Variants in TMTC3 observed in about 807,000 individuals in gnomAD.
TMTC3 encodes protein O-mannosyl-transferase TMTC3.
Under a neutral mutation model 92.2 loss-of-function variants are expected in TMTC3, and 52 were observed. The observed-to-expected ratio is 0.56, with a 90% CI of 0.45 to 0.71. The LOEUF (loss-of-function observed/expected upper bound fraction) is 0.71. Among genes scored for constraint, TMTC3 ranks in the 30% least tolerant of loss-of-function variants. TMTC3 has a pLI of 0.00. For synonymous variants in TMTC3, 339 were observed against 363.3 expected (o/e 0.93, Z 0.76); for missense variants, 896 against 1,057.1 (o/e 0.85, Z 2.11).
chr12:88,149,406 T>C (rs2040914056), intron 2 of TMTC3, among the ~76,000 whole-genome samples: 1 of 152,174 alleles, frequency 6.6e-6, no homozygotes, highest in African/African-American at 2.4e-5. Context: ...TTTCCTGATC[T>C]GTAAAAGAGG....
chr12:88,183,345 T>C (rs554782605), intron 10 of TMTC3, among the ~76,000 whole-genome samples: 1 of 152,288 alleles, frequency 6.6e-6, no homozygotes, highest in East Asian at 1.9e-4. Context: ...TCTTTATAAG[T>C]GCCGAAAGTA....
chr12:88,156,797 TTG>T (rs1000998177), intron 4 of TMTC3, among the ~76,000 whole-genome samples: 7 of 118,562 alleles, frequency 5.9e-5, no homozygotes, highest in African/African-American at 1.5e-4. Flanking sequence ...TGCTAAGGTT[TTG>T]TGTGTGTGTG....
In TMTC3 at chr12:88,176,274, G is replaced by T; in HGVS notation, c.1387G>T (p.Glu463Ter). ...TGCTCTGGAAAATGAAAAGAACTTT[G>T]AGAGAGCTTTGAAATACTTCTTACA... ...GHALENEKNF[E>*]RALKYFLQAT... The change falls in exon 10 of 14, where the codon GAG (glutamate) becomes TAG (stop). Residue 463 changes from glutamate to a stop codon, truncating the protein, a stop_gained. Transcript: ENST00000266712. LOFTEE classifies it high-confidence loss of function. The T allele has an allele frequency of 6.2e-7, 1 of 1,612,278 alleles. No homozygotes were observed. The highest frequency in any genetic ancestry group is 1.1e-5 in the South Asian group (1 of 90,838).
chr12:88,164,189 C>CAAA (rs1008391943), intron 6 of TMTC3, among the ~76,000 whole-genome samples: 32 of 48,490 alleles, frequency 6.6e-4, no homozygotes, highest in Non-Finnish European at 7.5e-4. Context: ...GACTTTGTCT[C>CAAA]AAAAAAAAAA....
At chr12:88,142,639 C>T (rs1476044286) in intron 1 of TMTC3, among the ~76,000 whole-genome samples, 152 bp downstream of exon 1, 1 of 152,222 alleles carries the variant, frequency 6.6e-6, no homozygotes, top group African/African-American at 2.4e-5. Context: ...CAAGCGGCGT[C>T]CAGGGTAGTG....
At chr12:88,194,741 GCTGT>G (rs1376091287) in intron 13 of TMTC3, 93 bp from the exon 14 acceptor site, 16 of 832,402 alleles carry the variant, frequency 1.9e-5, no homozygotes, top group Admixed American at 7.4e-5. Flanking sequence ...TTGTTTTGAA[GCTGT>G]CTTTTTGTAA....
At chr12:88,146,021 T>C (rs1226768139) in intron 1 of TMTC3, among the ~76,000 whole-genome samples, 2 of 152,184 alleles carry the variant, frequency 1.3e-5, no homozygotes, top group Non-Finnish European at 2.9e-5. Flanking sequence ...TCTGCTTCTG[T>C]GCCTAGGAAA....
intron 3 of TMTC3, among the ~76,000 whole-genome samples, chr12:88,153,798 C>CT (rs1173552393): frequency 2.0e-5 from 3 of 151,848 alleles, no homozygotes; most frequent in Admixed American, 6.6e-5. Flanking sequence ...TCTTCGGTCA[C>CT]TTTTTTTAAT....
rs1230552175 is a variant in TMTC3, at chr12:88,195,297, T to A, written c.2393T>A (p.Leu798Gln). The change falls in exon 14 of 14, where the codon CTG becomes CAG. Residue 798 changes from leucine to glutamine, a missense_variant. Coordinates refer to ENST00000266712, the MANE Select transcript of TMTC3 (RefSeq NM_181783.4). ...GCTGAAAGATGCCTTCTTGAAACAC[T>A]GGCATTAGCACCACATGAAGAATAT... Reference protein sequence around the residue: ...LKAERCLLETLALAPHEEYIQ... With the variant: ...LKAERCLLETQALAPHEEYIQ... The A allele has an allele frequency of 1.2e-6, 2 of 1,613,882 alleles. No individual in the cohort carries two copies. The highest frequency in any genetic ancestry group is 3.3e-5 in the Admixed American group (2 of 59,990).
intron 4 of TMTC3, among the ~76,000 whole-genome samples, chr12:88,155,248 G>GT (rs2040993063): frequency 6.6e-6 from 1 of 152,116 alleles, no homozygotes. Flanking sequence ...TCCATTCACC[G>GT]TAACACATCA....
Position 88,195,720 on chromosome 12 carries a change from C to T in TMTC3, c.*71C>T. 1 of 1,381,900 alleles carries T rather than the reference C, an allele frequency of 7.2e-7. No homozygotes were observed. The highest frequency in any genetic ancestry group is 9.7e-7 in the Non-Finnish European group (1 of 1,029,220). The allele number at this position is 1,381,900 out of a possible 1,614,324, so 85.6% of individuals were successfully genotyped here. ...ATCATGTGATTGCTTTTACTGGGAG[C>T]TTTGAAAAAAAGTTCAAGGGTTCCT... is the stretch of plus-strand genomic sequence containing the variant. On this transcript the variant is annotated 3_prime_UTR_variant, in exon 14 of 14. Coordinates refer to ENST00000266712, the MANE Select transcript of TMTC3 (RefSeq NM_181783.4).
chr12:88,192,568 T>C, intron 12 of TMTC3, 36 bp from the exon 13 acceptor site: 1 of 1,488,912 alleles, frequency 6.7e-7, no homozygotes, highest in Middle Eastern at 1.9e-4. Flanking sequence ...GAGATGGTAA[T>C]GTTGTAAGTA....
intron 7 of TMTC3, among the ~76,000 whole-genome samples, chr12:88,166,921 T>C (rs1291564161): frequency 6.6e-6 from 1 of 151,488 alleles, no homozygotes; most frequent in African/African-American, 2.4e-5. Context: ...TCAGTTCTCA[T>C]GAGCAAGGTG....
Position 88,195,351 on chromosome 12 carries a change from A to G in TMTC3, c.2447A>G (p.Asp816Gly). ...YIQRHLNIVR[D>G]KISSSSFIEP... ...CAGCGCCATTTGAATATAGTCAGGGATAAGATTTCCTCATCTAGTTTTATA... is the reference window on the plus strand; with the variant it reads ...CAGCGCCATTTGAATATAGTCAGGGGTAAGATTTCCTCATCTAGTTTTATA... The change falls in exon 14 of 14, where the codon GAT (aspartate) becomes GGT (glycine). Residue 816 changes from aspartate (D) to glycine (G), a missense_variant. Coordinates refer to ENST00000266712, the MANE Select transcript of TMTC3 (RefSeq NM_181783.4). 1 of 1,613,960 alleles carries G rather than the reference A, an allele frequency of 6.2e-7. No individual in the cohort carries two copies. Among genetic ancestry groups the G allele is most frequent in the Non-Finnish European group, 8.5e-7 (1 of 1,179,914 alleles).
At chr12:88,165,096 G>C (rs2041129253) in intron 6 of TMTC3, among the ~76,000 whole-genome samples, 1 of 151,950 alleles carries the variant, frequency 6.6e-6, no homozygotes, top group South Asian at 2.1e-4. Flanking sequence ...TAGTTTATAG[G>C]TGTGAATTTA....
In TMTC3 at chr12:88,196,812, C is replaced by T. The variant is rs1318932707; in HGVS notation, c.*1163C>T. 6.6e-6 allele frequency: 1 copy of T among 151,624 alleles called. No homozygotes were observed. Among genetic ancestry groups the T allele is most frequent in the East Asian group, 1.9e-4 (1 of 5,192 alleles). The allele number at this position is 151,624 out of a possible 1,614,324, so 9.4% of individuals were successfully genotyped here. On this transcript the variant is annotated 3_prime_UTR_variant, in exon 14 of 14. Transcript: ENST00000266712. ...ATATATGCATATATTATGGATTAACCAGAATTGTATCATTTTTGGCCTAAT... is the reference window on the plus strand; with the variant it reads ...ATATATGCATATATTATGGATTAACTAGAATTGTATCATTTTTGGCCTAAT...
intron 10 of TMTC3, among the ~76,000 whole-genome samples, chr12:88,179,738 G>A (rs773158932): frequency 1.3e-5 from 2 of 151,874 alleles, no homozygotes; most frequent in South Asian, 2.1e-4. Context: ...GGCCCCGGTC[G>A]CATTTATTTA....
intron 6 of TMTC3, among the ~76,000 whole-genome samples, chr12:88,163,279 C>T (rs1224986313): frequency 6.6e-6 from 1 of 152,194 alleles, no homozygotes; most frequent in African/African-American, 2.4e-5. Flanking sequence ...ACTAATTTCA[C>T]TTCACTACTG....
chr12:88,153,531 C>CT, intron 3 of TMTC3, 22 bp downstream of exon 3: 2 of 1,421,082 alleles, frequency 1.4e-6, no homozygotes, highest in Non-Finnish European at 1.9e-6. Context: ...TATGAACTGA[C>CT]TTTTTTTCTT....
Sources: allele counts gnomAD v4.1 joint callset (sites outside exome capture counted in the v4.1 genomes callset), GRCh38; gene constraint gnomAD v4.1.1; transcripts MANE v1.5; gene names NCBI Gene and HGNC (gene_info 2026-07-23, HGNC 2026-07-21).